Variants in AQP11 observed in about 807,000 individuals in gnomAD.
The protein encoded by AQP11 is aquaporin-11.
Under a neutral mutation model 21.1 loss-of-function variants are expected in AQP11, and 20 were observed. The ratio of observed to expected loss-of-function variants is 0.95; its 90% CI spans 0.67 to 1.38. AQP11 has a LOEUF of 1.38. Ranked by LOEUF, AQP11 falls within the 40% of genes most tolerant of loss-of-function variation. The pLI is 0.00. For missense variants in AQP11, 339 were observed against 340.4 expected (o/e 1.00, Z 0.03); for synonymous variants, 167 against 150.1 (o/e 1.11, Z -0.82).
Position 77,600,069 on chromosome 11 carries a change from C to T in AQP11, c.620-3487C>T, listed in dbSNP as rs555952586. ...CTGCCTCCTGGGTACAAGCAGTTCT[C>T]CTGCCTGAGCCTTCCGAGTAGCTGG... On this transcript the variant is annotated intron_variant, in intron 1 of 2. Coordinates refer to ENST00000313578, the MANE Select transcript of AQP11 (RefSeq NM_173039.3). Among the ~76,000 whole-genome samples, 13 of 152,042 alleles carry T rather than the reference C, an allele frequency of 8.6e-5. No homozygotes were observed. In the East Asian group the frequency reaches 2.5e-3, roughly 29 times the overall value.
At chr11:77,607,143 G>C (rs532262681) in intron 2 of AQP11, among the ~76,000 whole-genome samples, 1 of 152,156 alleles carries the variant, frequency 6.6e-6, no homozygotes, top group South Asian at 2.1e-4. Flanking sequence ...ATGATTTTTA[G>C]AATACTGCAT....
Position 77,609,589 on chromosome 11 carries a change from G to C in AQP11, c.*212G>C, listed in dbSNP as rs1356671106. The C allele has an allele frequency of 1.0e-5, 4 of 390,430 alleles. No homozygotes were observed. 24.2% of individuals were successfully genotyped at this position (390,430 alleles called of 1,614,324 possible). On this transcript the variant is annotated 3_prime_UTR_variant, in exon 3 of 3. Coordinates refer to ENST00000313578, the MANE Select transcript of AQP11 (RefSeq NM_173039.3). ...ACTTCTCAGTTAAGACTTGTTCTTT[G>C]AGTGATGTATTAAATGCTGCTAGAA...
At chr11:77,596,311 G>A (rs1461041012) in intron 1 of AQP11, among the ~76,000 whole-genome samples, 1 of 150,814 alleles carries the variant, frequency 6.6e-6, no homozygotes, top group African/African-American at 2.4e-5. Flanking sequence ...CATGGTGGCG[G>A]GCGCCTGTAA....
At position 77,590,224 on chromosome 11, in the gene AQP11, A is replaced by C; in HGVS notation, c.232A>C (p.Thr78Pro). The C allele has an allele frequency of 6.3e-7, 1 of 1,594,288 alleles. No homozygotes were observed. The highest frequency in any genetic ancestry group is 8.5e-7 in the Non-Finnish European group (1 of 1,170,064). Residue 78 changes from threonine (T) to proline (P), a missense_variant, in exon 1 of 3, where the codon ACG becomes CCG. Transcript: ENST00000313578. ...SEQHPAHPTW[T>P]LTLVYFFSLV... The stretch of plus-strand genomic sequence containing the variant: ...ACAGCACCCCGCGCACCCCACCTGG[A>C]CGCTGACGCTCGTCTACTTCTTCTC...
chr11:77,608,488 C>T (rs1958859001), intron 2 of AQP11, among the ~76,000 whole-genome samples: 2 of 152,132 alleles, frequency 1.3e-5, no homozygotes, highest in African/African-American at 4.8e-5. Flanking sequence ...TGGCGGGCGC[C>T]TGTAATCCCA....
chr11:77,602,538 G>A (rs713083), intron 1 of AQP11, among the ~76,000 whole-genome samples: 27,470 of 152,100 alleles, frequency 0.18, 3,177 homozygotes, highest in African/African-American at 0.31. Flanking sequence ...AGTCATGAAT[G>A]TGAATCATGC....
intron 2 of AQP11, among the ~76,000 whole-genome samples, chr11:77,604,144 CTT>C (rs1350458819): frequency 2.0e-5 from 3 of 151,976 alleles, no homozygotes; most frequent in African/African-American, 7.2e-5. Flanking sequence ...CAGGGTCTCT[CTT>C]TGTCACCCAG....
At chr11:77,597,941 A>G (rs1194913101) in intron 1 of AQP11, among the ~76,000 whole-genome samples, 1 of 152,000 alleles carries the variant, frequency 6.6e-6, no homozygotes, top group East Asian at 1.9e-4. Flanking sequence ...GGGTTTCACC[A>G]TCTTGGCCAG....
intron 1 of AQP11, among the ~76,000 whole-genome samples, chr11:77,592,401 T>C (rs903329783): frequency 3.3e-5 from 5 of 152,296 alleles, no homozygotes; most frequent in Admixed American, 2.6e-4. Flanking sequence ...ATGAACAGAA[T>C]TGTCACTGCA....
At position 77,590,211 on chromosome 11, in the gene AQP11, G is replaced by A; in HGVS notation, c.219G>A (p.Ala73=). The change falls in exon 1 of 3, where the codon GCG becomes GCA. Residue 73 remains alanine (A), a synonymous_variant. Transcript: ENST00000313578. ...AACTGCTGAGCGAACAGCACCCCGCGCACCCCACCTGGACGCTGACGCTCG... is the reference window on the plus strand; with the variant it reads ...AACTGCTGAGCGAACAGCACCCCGCACACCCCACCTGGACGCTGACGCTCG... ...ELQLLSEQHP[A]HPTWTLTLVY... 1 of 1,593,604 alleles carries A rather than the reference G, an allele frequency of 6.3e-7. No homozygotes were observed. The highest frequency in any genetic ancestry group is 8.5e-7 in the Non-Finnish European group (1 of 1,170,312).
Position 77,609,327 on chromosome 11 carries a change from T to G in AQP11, c.766T>G (p.Phe256Val), listed in dbSNP as rs1030208162. The change falls in exon 3 of 3, where the codon TTT (phenylalanine) becomes GTT (valine). Residue 256 changes from phenylalanine (F) to valine (V), a missense_variant. Coordinates refer to ENST00000313578, the MANE Select transcript of AQP11 (RefSeq NM_173039.3). ...ATTGTTGATGATTTTGATGTTCAGC[T>G]TTTTCCTTCCATGGCTGCATAACAA... ...GILLMILMFS[F>V]FLPWLHNNHT... 6.2e-7 allele frequency: 1 copy of G among 1,612,996 alleles called. No homozygotes were observed. The highest frequency in any genetic ancestry group is 8.5e-7 in the Non-Finnish European group (1 of 1,179,580).
intron 1 of AQP11, among the ~76,000 whole-genome samples, chr11:77,602,337 T>C (rs1958820179): frequency 6.6e-6 from 1 of 152,214 alleles, no homozygotes; most frequent in Non-Finnish European, 1.5e-5. Context: ...TAAATGTCTG[T>C]GTGAGTCTTT....
At chr11:77,607,386 T>G (rs759915120) in intron 2 of AQP11, among the ~76,000 whole-genome samples, 1 of 152,176 alleles carries the variant, frequency 6.6e-6, no homozygotes, top group Non-Finnish European at 1.5e-5. Context: ...CAAAGCTACA[T>G]TAATTAGGCA....
In AQP11 at chr11:77,590,343, T is replaced by G. The variant is rs749228656; in HGVS notation, c.351T>G (p.Gly117=). Residue 117 remains glycine, a synonymous_variant, in exon 1 of 3, where the codon GGT becomes GGG. Transcript: ENST00000313578. ...MMLGGMSPET[G]AVRLLAQLVS... The stretch of plus-strand genomic sequence containing the variant: ...TGGGGGGCATGTCCCCCGAGACGGG[T>G]GCGGTGAGGCTATTGGCTCAGCTGG... 2 of 1,597,772 alleles carry G rather than the reference T, an allele frequency of 1.3e-6. No individual in the cohort carries two copies. Among genetic ancestry groups the G allele is most frequent in the East Asian group, 2.3e-5 (1 of 44,246 alleles).
intron 1 of AQP11, 134 bp downstream of exon 1, chr11:77,590,745 A>G (rs1958742956): frequency 1.3e-5 from 20 of 1,491,772 alleles, no homozygotes; most frequent in Admixed American, 4.7e-5. Flanking sequence ...TATTCTAACC[A>G]TTTTGCAGCC....
chr11:77,590,986 T>C (rs1792771406), intron 1 of AQP11: 1 of 985,314 alleles, frequency 1.0e-6, no homozygotes, highest in African/African-American at 1.7e-5. Flanking sequence ...TACTGAAAAA[T>C]GATCCTGGCT....
intron 1 of AQP11, 193 bp downstream of exon 1, chr11:77,590,804 T>C: frequency 1.0e-6 from 1 of 985,424 alleles, no homozygotes; most frequent in Non-Finnish European, 1.2e-6. Flanking sequence ...GCAGTGCTGC[T>C]TTGAACACCC....
intron 1 of AQP11, among the ~76,000 whole-genome samples, chr11:77,593,729 T>C (rs1057222185): frequency 1.3e-5 from 2 of 152,120 alleles, no homozygotes; most frequent in African/African-American, 4.8e-5. Flanking sequence ...CCCAGAAAAG[T>C]GAAATGACTT....
intron 1 of AQP11, among the ~76,000 whole-genome samples, chr11:77,599,125 C>A (rs1958800264): frequency 6.6e-6 from 1 of 152,244 alleles, no homozygotes; most frequent in South Asian, 2.1e-4. Flanking sequence ...AGGTGATGTG[C>A]CCGCCTCAGC....
Sources: gnomAD v4.1 joint callset for allele counts (sites outside exome capture counted in the v4.1 genomes callset) on GRCh38, gnomAD v4.1.1 for gene constraint, MANE v1.5 for transcripts, NCBI Gene and HGNC (gene_info 2026-07-23, HGNC 2026-07-21) for gene names.